Variants in HELZ2 observed in about 807,000 individuals in gnomAD.
The protein encoded by HELZ2 is 3'-5' exoribonuclease HELZ2.
In HELZ2, 143 loss-of-function variants were observed where a neutral mutation model predicts 208.8. That is an observed-to-expected ratio of 0.68 (90% CI 0.60 to 0.79). The LOEUF is 0.79. HELZ2 is among the 30% of genes least tolerant of loss of function. The pLI is 0.00. For missense variants in HELZ2, 3,690 were observed against 3,794.5 expected (o/e 0.97, Z 0.72); for synonymous variants, 1,705 against 1,693.7 (o/e 1.01, Z -0.16).
chr20:63,569,627 T>C (rs2082999269), exon 4 of HELZ2: 7 of 1,547,066 alleles, frequency 4.5e-6, no homozygotes, highest in Non-Finnish European at 5.2e-6. Context: ...AGTCGGCTCC[T>C]GGCTCCTGCT....
At chr20:63,567,119 C>T in exon 6 of HELZ2, 1 of 1,611,760 alleles carries the variant, frequency 6.2e-7, no homozygotes, top group Non-Finnish European at 8.5e-7. Context: ...ACAATGGCGT[C>T]CGTGCAGCGG....
At chr20:63,567,890 A>C in intron 5 of HELZ2, 8 of 642,176 alleles carry the variant, frequency 1.2e-5, no homozygotes, top group Non-Finnish European at 1.8e-5. Flanking sequence ...AGAACCCCCA[A>C]TCCAGAAATC....
At chr20:63,559,077 C>T (rs1043876730), downstream of HELZ2, 46 of 706,184 alleles carry the variant, frequency 6.5e-5, no homozygotes, top group South Asian at 2.9e-4. Flanking sequence ...GTGTGGGGAC[C>T]GGCCCTTGCC....
chr20:63,563,130 G>C, exon 8 of HELZ2: 1 of 1,595,974 alleles, frequency 6.3e-7, no homozygotes, highest in Non-Finnish European at 8.5e-7. Flanking sequence ...TGAGGGCTCG[G>C]TACCAGGAAG....
At chr20:63,573,129 C>G (rs931901241), upstream of HELZ2, 1 of 152,288 alleles carries the variant, frequency 6.6e-6, no homozygotes, top group Non-Finnish European at 1.5e-5. This position sits in a 1 kb window ranked among gnomAD's most constrained non-coding sequence, Gnocchi z 4.9. Context: ...GGCGCCACCT[C>G]GAACACCAGC....
In HELZ2 at chr20:63,569,062, G is replaced by A. The variant is rs890039642; in HGVS notation, c.1089-63C>T. The A allele has an allele frequency of 2.8e-5, 44 of 1,589,042 alleles. No homozygotes were observed. In the East Asian group the frequency reaches 5.8e-4, roughly 21 times the overall value. On this transcript the variant is annotated intron_variant, in intron 4 of 18. Coordinates refer to ENST00000467148, the Ensembl canonical transcript of HELZ2. ...CTGCCAGCCCCGCTGCCAAGTCCAC[G>A]CCCCCATCCGCTCCCGTTGCCCCAG...
At chr20:63,568,109 C>A (rs1171313092) in intron 5 of HELZ2, 4 of 575,060 alleles carry the variant, frequency 7.0e-6, no homozygotes, top group Admixed American at 3.4e-5. Context: ...GTGGGCCATG[C>A]TGCAGCCTTC....
In HELZ2 at chr20:63,563,795, C is replaced by T. The variant is rs755342525; in HGVS notation, c.5027G>A (p.Arg1676His). 2.5e-6 allele frequency: 4 copies of T among 1,602,686 alleles called. No individual in the cohort carries two copies. The African/African-American group carries it at 4.0e-5, about 16-fold the overall frequency. ...CTGCAACACCACGTCCAGGTACCTG[C>T]GGATGGGCGAGGTGGCCCACGTGTA... The change falls in exon 8 of 19, where the codon CGC becomes CAC. Residue 1676 changes from arginine to histidine, a missense_variant. Physicochemically the swap from Arg to His is conservative, Grantham distance 29. Around this residue, in one of 3 missense-constraint regions of HELZ2, gnomAD observed 2,564 missense variants for 2,580.5 expected, o/e 0.99. Coordinates refer to ENST00000467148, the Ensembl canonical transcript of HELZ2.
At chr20:63,573,422 G>A (rs1039190752), upstream of HELZ2, among the ~76,000 whole-genome samples, 3 of 152,192 alleles carry the variant, frequency 2.0e-5, no homozygotes, top group African/African-American at 7.2e-5. The surrounding 1 kb of genome is among the most constrained non-coding windows in gnomAD (Gnocchi z 4.9). Context: ...GCTGTGTCCT[G>A]TCAGGGAGTA....
chr20:63,560,207 C>A (rs913193729), exon 17 of HELZ2: 1 of 1,556,910 alleles, frequency 6.4e-7, no homozygotes, highest in Non-Finnish European at 8.7e-7. Flanking sequence ...GCCACCCCGG[C>A]GATGCCCTCT....
exon 19 of HELZ2, chr20:63,559,351 G>C: frequency 6.3e-7 from 1 of 1,599,956 alleles, no homozygotes; most frequent in Non-Finnish European, 8.5e-7. Context: ...GGGGGCAGCA[G>C]CGCAGAAGGA....
At chr20:63,558,488 C>T (rs2082838730), downstream of HELZ2, 1 of 152,306 alleles carries the variant, frequency 6.6e-6, no homozygotes, top group Non-Finnish European at 1.5e-5. Context: ...GGGAGGCCTC[C>T]TTGTCCTGAG....
chr20:63,560,218 C>A (rs768489664), exon 17 of HELZ2: 1 of 1,557,280 alleles, frequency 6.4e-7, no homozygotes, highest in Admixed American at 1.9e-5. Flanking sequence ...GATGCCCTCT[C>A]GCCGAAGGGC....
At chr20:63,564,406 G>A (rs1395315043) in exon 8 of HELZ2, 1 of 1,545,564 alleles carries the variant, frequency 6.5e-7, no homozygotes, top group Admixed American at 2.0e-5. Context: ...GCAGCTCACG[G>A]CCGGCACCCG....
At chr20:63,565,762 C>T in exon 8 of HELZ2, 1 of 1,601,476 alleles carries the variant, frequency 6.2e-7, no homozygotes, top group South Asian at 1.1e-5. Flanking sequence ...CTGCCGCAGC[C>T]TCCGTCTGCG....
exon 16 of HELZ2, chr20:63,560,660 T>C (rs1188170249): frequency 1.9e-6 from 3 of 1,609,598 alleles, no homozygotes; most frequent in Non-Finnish European, 2.5e-6. Context: ...CTTGCTCTTG[T>C]AGAACGCCAC....
chr20:63,564,328 C>A (rs1198783692), exon 8 of HELZ2: 1 of 1,587,168 alleles, frequency 6.3e-7, no homozygotes, highest in East Asian at 2.3e-5. Context: ...GCAGGCGGTG[C>A]CGGCGCAGCA....
chr20:63,563,413 C>T lies in HELZ2; in HGVS notation c.5409G>A (p.Gln1803=), dbSNP rs756046206. Residue 1803 remains glutamine, a synonymous_variant, in exon 8 of 19, where the codon CAG becomes CAA. Transcript: ENST00000467148. ...GCAGTGGCAGGGGCGGGCTGGATCC[C>T]TGCGCTGAGTAGACACGGCGCCGCC... 49 of 1,534,706 alleles carry T rather than the reference C, an allele frequency of 3.2e-5. No homozygotes were observed. The African/African-American group carries it at 6.6e-4, about 21-fold the overall frequency.
At chr20:63,566,799 C>A in intron 6 of HELZ2, 45 bp downstream of exon 7, 1 of 1,531,842 alleles carries the variant, frequency 6.5e-7, no homozygotes, top group Non-Finnish European at 8.8e-7. Context: ...CCCCCTCCCC[C>A]AGCAGGGGTG....
Sources: allele counts gnomAD v4.1 joint callset (sites outside exome capture counted in the v4.1 genomes callset), GRCh38; gene constraint gnomAD v4.1.1; regional missense constraint gnomAD v4.1.1; non-coding constraint Gnocchi (gnomAD v3.1); transcripts MANE v1.5; gene names NCBI Gene and HGNC (gene_info 2026-07-23, HGNC 2026-07-21).